Variants in CHAT observed in about 807,000 individuals in gnomAD.
CHAT encodes choline O-acetyltransferase, also known as acetyl CoA:choline O-acetyltransferase.
In CHAT, 61 loss-of-function variants were observed where a neutral mutation model predicts 76.9. That is an observed-to-expected ratio of 0.79 (90% CI 0.65 to 0.98). CHAT has a LOEUF of 0.98. Ranked by LOEUF, CHAT falls within the 50% of genes least tolerant of loss-of-function variation. The pLI, the probability that CHAT is intolerant of heterozygous loss-of-function variation, is 0.00. For synonymous variants in CHAT, 407 were observed against 397.4 expected (o/e 1.02, Z -0.29); for missense variants, 946 against 986.9 (o/e 0.96, Z 0.56).
At chr10:49,619,593 C>G (rs894528727) in intron 2 of CHAT, 132 bp from the exon 3 acceptor site, 2 of 863,314 alleles carry the variant, frequency 2.3e-6, no homozygotes, top group East Asian at 2.6e-5. Flanking sequence ...CTGAGCTGAG[C>G]CCTAGAAATG....
intron 13 of CHAT, among the ~76,000 whole-genome samples, chr10:49,662,054 T>C (rs186930314): frequency 6.6e-6 from 1 of 152,238 alleles, no homozygotes; most frequent in African/African-American, 2.4e-5. Flanking sequence ...GGATCCAGTT[T>C]AAATGAATTG....
chr10:49,612,859 G>C (rs996142336), upstream of CHAT: 1 of 154,520 alleles, frequency 6.5e-6, no homozygotes, highest in Non-Finnish European at 1.4e-5. Flanking sequence ...TTTTCTACCT[G>C]GAAAAGGGGA....
upstream of CHAT, chr10:49,612,188 A>T (rs761525631): frequency 6.2e-7 from 1 of 1,609,652 alleles, no homozygotes; most frequent in Non-Finnish European, 8.5e-7. Flanking sequence ...TCCGAGCGCG[A>T]TGTGCTGCTT....
At chr10:49,621,983 G>A in intron 4 of CHAT, 114 bp from the exon 5 acceptor site, 1 of 1,187,702 alleles carries the variant, frequency 8.4e-7, no homozygotes. Context: ...AGAAGGGAGG[G>A]AAGAGGAAGG....
intron 7 of CHAT, among the ~76,000 whole-genome samples, chr10:49,640,933 A>C (rs1839458806): frequency 6.6e-6 from 1 of 152,238 alleles, no homozygotes; most frequent in Admixed American, 6.5e-5. Context: ...CAGGTAAAAA[A>C]CAAACCAAAA....
chr10:49,638,664 G>T (rs1202734801), intron 7 of CHAT, among the ~76,000 whole-genome samples: 1 of 152,134 alleles, frequency 6.6e-6, no homozygotes, highest in African/African-American at 2.4e-5. Flanking sequence ...GTTTATTAGT[G>T]TTGAAATGTT....
In CHAT at chr10:49,649,725, A is replaced by G. The variant is rs947336499; in HGVS notation, c.1511+89A>G. ...CTCCCAAGGCTCCCTGGAAGTTTCC[A>G]AAGACCCCAGCTCCTCTGCCTCTCC... On this transcript the variant is annotated intron_variant, in intron 10 of 14. Coordinates refer to ENST00000337653, the MANE Select transcript of CHAT (RefSeq NM_020549.5). The G allele has an allele frequency of 3.3e-4, 484 of 1,456,242 alleles. 8 individuals carry two copies. The highest frequency in any genetic ancestry group is 3.0e-3 in the South Asian group (260 of 87,520). 90.2% of individuals were successfully genotyped at this position (1,456,242 alleles called of 1,614,324 possible).
At chr10:49,612,691 C>A, upstream of CHAT, 1 of 281,480 alleles carries the variant, frequency 3.6e-6, no homozygotes, top group Non-Finnish European at 7.0e-6. Flanking sequence ...GCGCCTCCGC[C>A]CAAATCAATA....
intron 14 of CHAT, 100 bp downstream of exon 14, chr10:49,662,882 C>A: frequency 6.9e-7 from 1 of 1,440,168 alleles, no homozygotes; most frequent in Non-Finnish European, 9.8e-7. Flanking sequence ...GCAAATCCTG[C>A]CTCTGCTTTT....
intron 7 of CHAT, among the ~76,000 whole-genome samples, chr10:49,636,410 G>C (rs1839295676): frequency 6.6e-6 from 1 of 152,050 alleles, no homozygotes; most frequent in Non-Finnish European, 1.5e-5. Context: ...AATTCTACCT[G>C]CTAATATGTA....
intron 8 of CHAT, chr10:49,646,982 A>G (rs1373766912): frequency 8.6e-6 from 4 of 466,160 alleles, no homozygotes; most frequent in African/African-American, 3.9e-5. Flanking sequence ...CCTGGGGCCC[A>G]TTTCCCATCA....
rs375606885 is a variant in CHAT, at chr10:49,622,110, C to G, written c.712C>G (p.Leu238Val). ...TDDQLRFAAS[L>V]ISGVLSYKAL... ...TTCTCCCTGCAGGTTTGCAGCCAGC[C>G]TCATCTCTGGTGTACTCAGCTACAA... The change falls in exon 5 of 15, where the codon CTC becomes GTC. Residue 238 changes from leucine (L) to valine (V), a missense_variant. This residue lies in a region of CHAT where 548 missense variants were observed against 516.2 expected (regional missense o/e 1.06). Transcript: ENST00000337653. 1.6e-5 allele frequency: 20 copies of G among 1,232,796 alleles called. No individual in the cohort carries two copies. In the African/African-American group the frequency reaches 4.4e-4, roughly 27 times the overall value. The allele number at this position is 1,232,796 out of a possible 1,614,324, so 76.4% of individuals were successfully genotyped here.
At chr10:49,619,616 GGTA>G in intron 2 of CHAT, 106 bp from the exon 3 acceptor site, 1 of 1,086,278 alleles carries the variant, frequency 9.2e-7, no homozygotes. Flanking sequence ...GGGGTCCCAG[GGTA>G]GAGAACAACA....
chr10:49,655,184 C>T lies in CHAT; in HGVS notation c.1724C>T (p.Pro575Leu), dbSNP rs1258282078. The change falls in exon 12 of 15, where the codon CCA (proline) becomes CTA (leucine). Residue 575 changes from proline (P) to leucine (L), a missense_variant. Pro to Leu is a moderately conservative substitution (Grantham distance 98). This residue lies in a region of CHAT where 349 missense variants were observed against 393.9 expected (regional missense o/e 0.89). Transcript: ENST00000337653. ...GRVDNIRSAT[P>L]EALAFVRAVT... ...GTGGACAACATCAGATCGGCCACTC[C>T]AGAGGCACTGGCTTTTGTGAGAGCC... The T allele has an allele frequency of 6.2e-7, 1 of 1,613,970 alleles. No individual in the cohort carries two copies. The highest frequency in any genetic ancestry group is 8.5e-7 in the Non-Finnish European group (1 of 1,180,046).
chr10:49,666,380 C>T lies in CHAT; in HGVS notation c.*1334C>T, dbSNP rs1004635891. 6.6e-6 allele frequency among the ~76,000 whole-genome samples: 1 copy of T among 152,216 alleles called. No homozygotes were observed. Among genetic ancestry groups the T allele is most frequent in the Non-Finnish European group, 1.5e-5 (1 of 68,042 alleles). On this transcript the variant is annotated 3_prime_UTR_variant, in exon 15 of 15. Transcript: ENST00000337653. ...CATAGGAGAGACACAAGAGGCACTT[C>T]CTATTAGAGCACATTTTTATGGGAA... is the stretch of plus-strand genomic sequence containing the variant.
intron 8 of CHAT, chr10:49,647,290 C>T (rs924496378): frequency 2.6e-5 from 4 of 156,824 alleles, no homozygotes; most frequent in African/African-American, 9.6e-5. Flanking sequence ...GAGAAAAATA[C>T]CCATGCAGAC....
rs372076788 is a variant in CHAT at position 49,625,292 on chromosome 10, G to A, written c.753-181G>A. Among the ~76,000 whole-genome samples the A allele has an allele frequency of 7.1e-4, 108 of 152,306 alleles. 1 individual carries two copies. The South Asian group carries it at 0.012, about 18-fold the overall frequency. On this transcript the variant is annotated intron_variant, in intron 5 of 14. Transcript: ENST00000337653. ...ACTCTGAGGGTCTCCACGTGTTGTG[G>A]AAATGGGGCCTCCACTACTTTAAAA...
At chr10:49,648,976 C>T (rs1246752297) in intron 9 of CHAT, among the ~76,000 whole-genome samples, 1 of 152,186 alleles carries the variant, frequency 6.6e-6, no homozygotes, top group Non-Finnish European at 1.5e-5. Context: ...CTGAGTCTCA[C>T]TGCTTCCAAA....
At position 49,655,161 on chromosome 10, in the gene CHAT, G is replaced by T; in HGVS notation, c.1701G>T (p.Val567=). The change falls in exon 12 of 15, where the codon GTG becomes GTT. Residue 567 remains valine (V), a synonymous_variant. Transcript: ENST00000337653. ...TCCGCCGATTCCAGGAGGGACGCGT[G>T]GACAACATCAGATCGGCCACTCCAG... ...ASIRRFQEGR[V]DNIRSATPEA... is the part of the protein sequence containing the mutation. The T allele has an allele frequency of 1.9e-6, 3 of 1,614,074 alleles. No homozygotes were observed. Among genetic ancestry groups the T allele is most frequent in the Non-Finnish European group, 2.5e-6 (3 of 1,180,032 alleles).
Sources: gnomAD v4.1 joint callset for allele counts (sites outside exome capture counted in the v4.1 genomes callset) on GRCh38, gnomAD v4.1.1 for gene constraint, gnomAD v4.1.1 regional missense constraint, MANE v1.5 for transcripts, NCBI Gene and HGNC (gene_info 2026-07-23, HGNC 2026-07-21) for gene names.